The following STAC variants were observed in gnomAD, a reference collection of about 807,000 sequenced individuals.
STAC encodes the protein SH3 and cysteine rich domain.
Under a neutral mutation model 48.8 loss-of-function variants are expected in STAC, and 43 were observed. The ratio of observed to expected loss-of-function variants is 0.88; its 90% CI spans 0.69 to 1.14. The LOEUF (loss-of-function observed/expected upper bound fraction) is 1.14. Ranked by LOEUF, STAC falls within the 50% of genes most tolerant of loss-of-function variation. The probability of loss-of-function intolerance (pLI) is 0.00; values close to 1 mark genes in which losing one functional copy is unlikely to be tolerated. For missense variants in STAC, 497 were observed against 504.0 expected, an observed-to-expected ratio of 0.99 and a Z score of 0.13; for synonymous variants, 193 against 179.5, an observed-to-expected ratio of 1.07 and a Z score of -0.60.
At chr3:36,433,033 A>G (rs1486873557) in intron 1 of STAC, among the ~76,000 whole-genome samples, 1 of 152,204 alleles carries the variant, frequency 6.6e-6, no homozygotes, top group Non-Finnish European at 1.5e-5. Context: ...CATGGTCTGC[A>G]GCAGAGCCCC....
intron 1 of STAC, among the ~76,000 whole-genome samples, chr3:36,439,769 A>G (rs1469138677): frequency 6.6e-6 from 1 of 152,106 alleles, no homozygotes; most frequent in Non-Finnish European, 1.5e-5. Context: ...CTCAATCTCA[A>G]TGAATGATTG....
intron 10 of STAC, among the ~76,000 whole-genome samples, chr3:36,542,880 A>G (rs779756102): frequency 6.6e-6 from 1 of 152,220 alleles, no homozygotes; most frequent in Non-Finnish European, 1.5e-5. Flanking sequence ...CCCAGCATTT[A>G]TAATGGTATC....
intron 1 of STAC, among the ~76,000 whole-genome samples, chr3:36,408,238 C>T (rs1700123175): frequency 6.6e-6 from 1 of 152,176 alleles, no homozygotes. Context: ...TAGGCCCTGC[C>T]CACACTTTAG....
At chr3:36,511,466 C>T (rs908917657) in intron 8 of STAC, among the ~76,000 whole-genome samples, 65 of 152,150 alleles carry the variant, frequency 4.3e-4, no homozygotes, top group African/African-American at 1.5e-3. Context: ...TGACAGGGGT[C>T]TCTGTGTTTT....
At chr3:36,448,199 C>CTTTATTTTATTTTAT (rs1247901626) in intron 2 of STAC, among the ~76,000 whole-genome samples, 18 of 114,172 alleles carry the variant, frequency 1.6e-4, no homozygotes, top group African/African-American at 4.7e-4. Flanking sequence ...CTTTATTTTA[C>CTTTATTTTATTTTAT]TTTATTTTAT....
chr3:36,437,591 C>T (rs558671308), intron 1 of STAC, among the ~76,000 whole-genome samples: 1 of 127,896 alleles, frequency 7.8e-6, no homozygotes, highest in Non-Finnish European at 1.5e-5. Flanking sequence ...AACACATGGA[C>T]ACAGGAAGGG....
At chr3:36,437,414 G>A (rs1307907792) in intron 1 of STAC, among the ~76,000 whole-genome samples, 1 of 151,614 alleles carries the variant, frequency 6.6e-6, no homozygotes, top group Non-Finnish European at 1.5e-5. Flanking sequence ...AAGAAAATGT[G>A]GCACATATAC....
chr3:36,448,410 CG>C (rs1345638319), intron 2 of STAC, among the ~76,000 whole-genome samples: 1 of 151,750 alleles, frequency 6.6e-6, no homozygotes, highest in Non-Finnish European at 1.5e-5. Flanking sequence ...TTAGTAGAGA[CG>C]GGGTTTCGCA....
rs201773096 is a variant in STAC, at chr3:36,486,130, G to A, written c.572-4G>A. 2.5e-5 allele frequency: 41 copies of A among 1,610,674 alleles called. No individual in the cohort carries two copies. In the African/African-American group the frequency reaches 4.5e-4, roughly 18 times the overall value. ...CCTCAGATGAACTTTCTCTTCTGTTGCAGCCTGTGGCAATAAGGTGGACCC... is the reference window on the plus strand; with the variant it reads ...CCTCAGATGAACTTTCTCTTCTGTTACAGCCTGTGGCAATAAGGTGGACCC... On this transcript the variant is annotated splice_region_variant and splice_polypyrimidine_tract_variant and intron_variant, in intron 4 of 10. Transcript: ENST00000273183.
intron 1 of STAC, among the ~76,000 whole-genome samples, chr3:36,423,343 C>A (rs962979615): frequency 6.6e-6 from 1 of 151,698 alleles, no homozygotes; most frequent in African/African-American, 2.4e-5. Flanking sequence ...TGGTGAAGAA[C>A]TACAGGTCTC....
At chr3:36,407,283 A>C (rs953007911) in intron 1 of STAC, among the ~76,000 whole-genome samples, 5 of 152,250 alleles carry the variant, frequency 3.3e-5, no homozygotes, top group African/African-American at 1.2e-4. Flanking sequence ...CCAAAAAAAA[A>C]TAGATAAACC....
At chr3:36,421,922 C>T (rs1173243236) in intron 1 of STAC, among the ~76,000 whole-genome samples, 1 of 151,834 alleles carries the variant, frequency 6.6e-6, no homozygotes, top group African/African-American at 2.4e-5. Flanking sequence ...GCTTTCATAC[C>T]TTATTTTGAA....
intron 2 of STAC, among the ~76,000 whole-genome samples, chr3:36,445,948 G>A (rs534222762): frequency 3.1e-4 from 47 of 152,222 alleles, no homozygotes; most frequent in African/African-American, 8.9e-4. Flanking sequence ...TCACATTTGC[G>A]CCTTCCCAAC....
At chr3:36,449,614 C>T (rs538329192) in intron 2 of STAC, among the ~76,000 whole-genome samples, 4 of 152,266 alleles carry the variant, frequency 2.6e-5, no homozygotes, top group Admixed American at 6.5e-5. Context: ...AATTTTATGC[C>T]TGCTGCCAAG....
chr3:36,455,031 CA>C (rs752999874), intron 2 of STAC, among the ~76,000 whole-genome samples: 22 of 152,088 alleles, frequency 1.4e-4, no homozygotes, highest in Non-Finnish European at 2.1e-4. Context: ...AGAAGTGACC[CA>C]CAGAAACATA....
At chr3:36,468,772 GTT>G (rs1491150801) in intron 2 of STAC, among the ~76,000 whole-genome samples, 241 of 146,480 alleles carry the variant, frequency 1.6e-3, no homozygotes, top group Middle Eastern at 3.6e-3. Flanking sequence ...GTGTGTGTGT[GTT>G]TGTGTGTGTT....
intron 1 of STAC, among the ~76,000 whole-genome samples, chr3:36,431,107 A>G (rs372418849): frequency 7.9e-5 from 12 of 152,330 alleles, no homozygotes; most frequent in South Asian, 4.2e-4. Flanking sequence ...GCTGTCCATC[A>G]CTTAATTTCT....
intron 6 of STAC, among the ~76,000 whole-genome samples, chr3:36,497,379 T>C (rs923549827): frequency 6.6e-6 from 1 of 152,282 alleles, no homozygotes; most frequent in Admixed American, 6.5e-5. Flanking sequence ...AAAATTCTAG[T>C]TAATGCATGG....
intron 1 of STAC, among the ~76,000 whole-genome samples, chr3:36,439,000 C>T (rs1696236231): frequency 6.6e-6 from 1 of 152,132 alleles, no homozygotes; most frequent in South Asian, 2.1e-4. Flanking sequence ...ATTTGCTTTC[C>T]TGCTCCACAT....
Sources: allele counts gnomAD v4.1 joint callset (sites outside exome capture counted in the v4.1 genomes callset), GRCh38; gene constraint gnomAD v4.1.1; transcripts MANE v1.5; gene names NCBI Gene and HGNC (gene_info 2026-07-23, HGNC 2026-07-21).